Variants in TTC29 observed in about 807,000 individuals in gnomAD.
TTC29 encodes tetratricopeptide repeat domain 29.
Under a neutral mutation model 58.1 loss-of-function variants are expected in TTC29, and 49 were observed. That is an observed-to-expected ratio of 0.84 (90% CI 0.67 to 1.07). The LOEUF is 1.07. TTC29 is among the 50% of genes least tolerant of loss of function. TTC29 has a pLI of 0.00. For missense variants in TTC29, 582 were observed against 555.6 expected, an observed-to-expected ratio of 1.05 and a Z score of -0.48; for synonymous variants, 209 against 196.8, an observed-to-expected ratio of 1.06 and a Z score of -0.52.
intron 4 of TTC29, among the ~76,000 whole-genome samples, chr4:146,925,487 T>G (rs1433692852): frequency 6.6e-6 from 1 of 152,254 alleles, no homozygotes; most frequent in Non-Finnish European, 1.5e-5. Context: ...TTTCTGAAAT[T>G]TTGAGATCTC....
At chr4:146,769,299 A>G (rs1747547510) in intron 11 of TTC29, among the ~76,000 whole-genome samples, 1 of 152,024 alleles carries the variant, frequency 6.6e-6, no homozygotes, top group African/African-American at 2.4e-5. Flanking sequence ...ACACTGACTT[A>G]TCAGCAATAA....
chr4:146,755,689 T>A (rs1306556750), intron 11 of TTC29, among the ~76,000 whole-genome samples: 1 of 150,260 alleles, frequency 6.7e-6, no homozygotes, highest in Non-Finnish European at 1.5e-5. Context: ...AGTAACTTTT[T>A]TTAACTATAT....
chr4:146,854,650 G>C (rs776836635), intron 8 of TTC29, among the ~76,000 whole-genome samples: 9 of 152,134 alleles, frequency 5.9e-5, no homozygotes, highest in Non-Finnish European at 1.2e-4. Context: ...CCAGGAGTGG[G>C]CTGGTATGCC....
intron 11 of TTC29, among the ~76,000 whole-genome samples, chr4:146,784,342 A>G (rs1263673082): frequency 6.6e-6 from 1 of 152,112 alleles, no homozygotes; most frequent in African/African-American, 2.4e-5. Flanking sequence ...TAAAATGGGA[A>G]GAGTGTCATA....
chr4:146,912,293 C>T (rs979206378), intron 4 of TTC29, among the ~76,000 whole-genome samples: 7 of 152,120 alleles, frequency 4.6e-5, no homozygotes, highest in Admixed American at 3.9e-4. Flanking sequence ...ATGTAGGATG[C>T]CCAGGTACAT....
chr4:146,816,502 A>G (rs1751419223), intron 10 of TTC29, among the ~76,000 whole-genome samples: 1 of 152,098 alleles, frequency 6.6e-6, no homozygotes, highest in African/African-American at 2.4e-5. Flanking sequence ...GGAGGACTCG[A>G]AAAAAGAGGG....
At chr4:146,908,813 C>T (rs1037336223) in intron 5 of TTC29, among the ~76,000 whole-genome samples, 2 of 152,182 alleles carry the variant, frequency 1.3e-5, no homozygotes, top group Admixed American at 6.5e-5. Flanking sequence ...TTCCCTGGCT[C>T]GGAAGGACAT....
At position 146,850,198 on chromosome 4, in the gene TTC29, G is replaced by A. The variant is rs114038477; in HGVS notation, c.886-16301C>T. ...CAAAACTATGTTCTTAAGACTACAT[G>A]TGTGAGCTAATTTAATCTTCTTAAC... On this transcript the variant is annotated intron_variant, in intron 8 of 12. Coordinates refer to ENST00000325106, the MANE Select transcript of TTC29 (RefSeq NM_031956.4). 3.8e-3 allele frequency among the ~76,000 whole-genome samples: 584 copies of A among 152,280 alleles called. 5 individuals are homozygous for A. The highest frequency in any genetic ancestry group is 0.013 in the African/African-American group (554 of 41,548).
In TTC29 at chr4:146,839,499, T is replaced by C. The variant is rs1728713900; in HGVS notation, c.886-5602A>G. 2.0e-5 allele frequency among the ~76,000 whole-genome samples: 3 copies of C among 151,634 alleles called. No homozygotes were observed. The South Asian group carries it at 6.2e-4, about 31-fold the overall frequency. On this transcript the variant is annotated intron_variant, in intron 8 of 12. Coordinates refer to ENST00000325106, the MANE Select transcript of TTC29 (RefSeq NM_031956.4). ...AGCAATAAAAATTTTTAAATTTCAC[T>C]GGCCTTATTCAGATTTCACCAGTTT...
intron 9 of TTC29, among the ~76,000 whole-genome samples, chr4:146,823,766 T>C (rs1344471415): frequency 6.6e-6 from 1 of 152,202 alleles, no homozygotes; most frequent in Non-Finnish European, 1.5e-5. Flanking sequence ...TTGTTTTCTC[T>C]CTTATTTCCT....
At chr4:146,942,131 G>T (rs1736463143) in intron 2 of TTC29, among the ~76,000 whole-genome samples, 1 of 152,156 alleles carries the variant, frequency 6.6e-6, no homozygotes, top group South Asian at 2.1e-4. Flanking sequence ...TTCTAATGGA[G>T]ATCAGTGGTT....
intron 4 of TTC29, among the ~76,000 whole-genome samples, chr4:146,917,626 T>C (rs1269997728): frequency 1.4e-5 from 2 of 145,148 alleles, no homozygotes; most frequent in Admixed American, 6.9e-5. Context: ...TATAATTAGA[T>C]ATTATATAAA....
At chr4:146,837,497 G>A (rs560003532) in intron 8 of TTC29, among the ~76,000 whole-genome samples, 2 of 152,150 alleles carry the variant, frequency 1.3e-5, no homozygotes, top group South Asian at 2.1e-4. Context: ...GAACTTAAAA[G>A]TTTTTTAAAA....
intron 4 of TTC29, among the ~76,000 whole-genome samples, chr4:146,926,755 G>A (rs532201831): frequency 5.9e-5 from 9 of 152,126 alleles, no homozygotes; most frequent in East Asian, 5.8e-4. Context: ...GAACCACCAC[G>A]TCCAGCCTAC....
chr4:146,845,520 A>T (rs73852721), intron 8 of TTC29, among the ~76,000 whole-genome samples: 8,541 of 152,274 alleles, frequency 0.056, 848 homozygotes, highest in African/African-American at 0.19. Context: ...AATATCAGTT[A>T]TCAGTTATTT....
chr4:146,847,282 G>A (rs1449747999), intron 8 of TTC29, among the ~76,000 whole-genome samples: 1 of 152,242 alleles, frequency 6.6e-6, no homozygotes, highest in South Asian at 2.1e-4. Context: ...CTTCTGATGG[G>A]GTTCTGCTAC....
intron 6 of TTC29, among the ~76,000 whole-genome samples, chr4:146,893,290 G>A (rs1252631072): frequency 1.3e-5 from 2 of 152,038 alleles, no homozygotes; most frequent in African/African-American, 4.8e-5. Context: ...ATACTACAAG[G>A]CTACAGTAAC....
intron 11 of TTC29, among the ~76,000 whole-genome samples, chr4:146,777,699 G>A (rs970060622): frequency 1.3e-5 from 2 of 152,008 alleles, no homozygotes; most frequent in Admixed American, 6.6e-5. Context: ...ATTTCATGCC[G>A]ACTCTGGCAT....
Position 146,916,956 on chromosome 4 carries a change from GAAAAAT to G in TTC29, c.177-7713_177-7708del, listed in dbSNP as rs1335145326. Reference sequence around the variant, plus strand: ...CCAATTCTTATTTTTGGAAAAATTAGAAAAATATTTTATACTTAAACATTCACATAT... The same window carrying G: ...CCAATTCTTATTTTTGGAAAAATTAGATTTTATACTTAAACATTCACATAT... On this transcript the variant is annotated intron_variant, in intron 4 of 12. Transcript: ENST00000325106. 4.0e-5 allele frequency among the ~76,000 whole-genome samples: 6 copies of G among 150,928 alleles called. No homozygotes were observed. The East Asian group carries it at 1.2e-3, about 29-fold the overall frequency.
Sources: gnomAD v4.1 joint callset for allele counts (sites outside exome capture counted in the v4.1 genomes callset) on GRCh38, gnomAD v4.1.1 for gene constraint, MANE v1.5 for transcripts, NCBI Gene and HGNC (gene_info 2026-07-23, HGNC 2026-07-21) for gene names.